The following EPC2 variants were observed in gnomAD, a reference collection of about 807,000 sequenced individuals.
The protein encoded by EPC2 is enhancer of polycomb 2, also known as enhancer of polycomb homolog 2.
A neutral mutation model predicts 92.1 loss-of-function variants in EPC2; 14 were observed. That is an observed-to-expected ratio of 0.15 (90% confidence interval 0.10 to 0.24). The LOEUF is 0.24. Ranked by LOEUF, EPC2 falls within the 10% of genes least tolerant of loss-of-function variation. The pLI is 1.00. For missense variants in EPC2, 755 were observed against 971.5 expected, an observed-to-expected ratio of 0.78 and a Z score of 2.96; for synonymous variants, 340 against 334.7, an observed-to-expected ratio of 1.02 and a Z score of -0.17.
chr2:148,690,340 T>C lies in EPC2; in HGVS notation c.280T>C (p.Phe94Leu). The change falls in exon 2 of 14, where the codon TTT (phenylalanine) becomes CTT (leucine). Residue 94 changes from phenylalanine to leucine, a missense_variant. Coordinates refer to ENST00000258484, the MANE Select transcript of EPC2 (RefSeq NM_015630.4). ...TTACAATCGCTTGTACAAAGGAGAGTTTAAACAGCCAAAACAGTTCATTCA... is the reference window on the plus strand; with the variant it reads ...TTACAATCGCTTGTACAAAGGAGAGCTTAAACAGCCAAAACAGTTCATTCA... The part of the protein sequence containing the change: ...NYYNRLYKGE[F>L]KQPKQFIHIQ... 1 of 1,608,868 alleles carries C rather than the reference T, an allele frequency of 6.2e-7. No homozygotes were observed. Among genetic ancestry groups the C allele is most frequent in the Non-Finnish European group, 8.5e-7 (1 of 1,178,406 alleles).
At chr2:148,781,594 T>TA in intron 10 of EPC2, 50 bp from the exon 11 acceptor site, 1 of 1,558,518 alleles carries the variant, frequency 6.4e-7, no homozygotes, top group Non-Finnish European at 8.7e-7. Flanking sequence ...CTTGTGTTAT[T>TA]AAAAATCTTT....
intron 2 of EPC2, among the ~76,000 whole-genome samples, chr2:148,711,609 C>A (rs959519531): frequency 6.6e-6 from 1 of 152,144 alleles, no homozygotes; most frequent in Non-Finnish European, 1.5e-5. Flanking sequence ...GTTGACTGAT[C>A]ATGCTGTCCA....
At chr2:148,781,821 A>G (rs1327687105) in intron 11 of EPC2, 41 bp downstream of exon 11, 10 of 1,608,880 alleles carry the variant, frequency 6.2e-6, no homozygotes, top group Middle Eastern at 1.7e-4. Context: ...TGTTTCTTTC[A>G]TCATTATGTA....
intron 2 of EPC2, among the ~76,000 whole-genome samples, chr2:148,731,488 C>T (rs760691793): frequency 6.6e-6 from 1 of 152,144 alleles, no homozygotes; most frequent in Non-Finnish European, 1.5e-5. Flanking sequence ...CTACAACCTC[C>T]GCCTCCGGGG....
At chr2:148,690,459 A>AT (rs1681624060) in intron 2 of EPC2, 86 bp downstream of exon 2, 1 of 1,281,100 alleles carries the variant, frequency 7.8e-7, no homozygotes, top group South Asian at 1.7e-5. Context: ...AGAAATTCTG[A>AT]TTTTTTAATT....
Position 148,663,592 on chromosome 2 carries a change from A to ATTTT in EPC2, c.153+18447_153+18450dup, listed in dbSNP as rs56911412. ...TTCCAGTTTTACTATATAGATTAAG[A>ATTTT]TTTTTTTTTTTTTTTTTTTTTTTTT... On this transcript the variant is annotated intron_variant, in intron 1 of 13. Coordinates refer to ENST00000258484, the MANE Select transcript of EPC2 (RefSeq NM_015630.4). Among the ~76,000 whole-genome samples the ATTTT allele has an allele frequency of 3.6e-4, 27 of 74,368 alleles. 1 individual carries two copies. Among genetic ancestry groups the ATTTT allele is most frequent in the African/African-American group, 1.4e-3 (25 of 17,846 alleles). The allele number at this position is 74,368 out of a possible 152,430, so 48.8% of individuals were successfully genotyped here. A position where few individuals can be genotyped will look rare whatever the true frequency, so the allele number is the denominator to read the frequency against.
intron 7 of EPC2, among the ~76,000 whole-genome samples, chr2:148,768,626 G>A (rs979126193): frequency 2.0e-5 from 3 of 152,150 alleles, no homozygotes; most frequent in African/African-American, 7.2e-5. Flanking sequence ...TGAAAAATGA[G>A]TTGGGAGATA....
Position 148,715,916 on chromosome 2 carries a change from T to C in EPC2, c.313+25543T>C, listed in dbSNP as rs544832587. Among the ~76,000 whole-genome samples, 4 of 152,344 alleles carry C rather than the reference T, an allele frequency of 2.6e-5. No individual in the cohort carries two copies. In the South Asian group the frequency reaches 8.3e-4, roughly 32 times the overall value. On this transcript the variant is annotated intron_variant, in intron 2 of 13. Transcript: ENST00000258484. ...GATTTCTTTGAGCAGTGGTTTATAGTTCTCCTTGAAGAGGTCCCTCACTTC... is the reference window on the plus strand; with the variant it reads ...GATTTCTTTGAGCAGTGGTTTATAGCTCTCCTTGAAGAGGTCCCTCACTTC...
intron 2 of EPC2, among the ~76,000 whole-genome samples, chr2:148,709,861 G>C (rs1682095091): frequency 6.6e-6 from 1 of 152,146 alleles, no homozygotes; most frequent in Non-Finnish European, 1.5e-5. Flanking sequence ...ATGGATTAAA[G>C]ACTTAAATGT....
chr2:148,678,359 G>A (rs1243080578), intron 1 of EPC2, among the ~76,000 whole-genome samples: 2 of 152,254 alleles, frequency 1.3e-5, no homozygotes, highest in Non-Finnish European at 2.9e-5. Context: ...CCGCACCAGG[G>A]CTGCAGATGG....
At chr2:148,743,230 T>G (rs1330614009) in intron 2 of EPC2, among the ~76,000 whole-genome samples, 1 of 152,160 alleles carries the variant, frequency 6.6e-6, no homozygotes. Flanking sequence ...ACCTGTTTTA[T>G]CCTCAGTAAT....
intron 1 of EPC2, among the ~76,000 whole-genome samples, chr2:148,653,572 T>A (rs1437237956): frequency 6.6e-6 from 1 of 152,230 alleles, no homozygotes; most frequent in Non-Finnish European, 1.5e-5. Flanking sequence ...GCAGTTTCAT[T>A]GTATCTGTCT....
intron 1 of EPC2, among the ~76,000 whole-genome samples, chr2:148,654,105 C>G (rs144498198): frequency 6.6e-6 from 1 of 152,084 alleles, no homozygotes; most frequent in Non-Finnish European, 1.5e-5. Flanking sequence ...CACGCCACCA[C>G]GCCCAGCTAA....
chr2:148,745,734 C>T (rs1384268624), intron 3 of EPC2, among the ~76,000 whole-genome samples: 1 of 152,098 alleles, frequency 6.6e-6, no homozygotes, highest in Non-Finnish European at 1.5e-5. Flanking sequence ...ATTCCCTGAT[C>T]TGTTAATTTA....
At chr2:148,739,341 T>G (rs1265268441) in intron 2 of EPC2, among the ~76,000 whole-genome samples, 1 of 152,182 alleles carries the variant, frequency 6.6e-6, no homozygotes, top group Non-Finnish European at 1.5e-5. Context: ...ATACCATGCT[T>G]GGTAAGCCCC....
At chr2:148,699,032 A>G (rs1017017833) in intron 2 of EPC2, among the ~76,000 whole-genome samples, 1 of 152,124 alleles carries the variant, frequency 6.6e-6, no homozygotes, top group African/African-American at 2.4e-5. Context: ...GAGGGCCAGT[A>G]ATGAAGGTTT....
At chr2:148,688,727 A>C (rs1681581351) in intron 1 of EPC2, among the ~76,000 whole-genome samples, 1 of 152,202 alleles carries the variant, frequency 6.6e-6, no homozygotes, top group African/African-American at 2.4e-5. Context: ...ATATAGTAGG[A>C]ATCCAGTAAA....
chr2:148,682,538 A>G (rs573927530), intron 1 of EPC2, among the ~76,000 whole-genome samples: 42 of 152,280 alleles, frequency 2.8e-4, no homozygotes, highest in African/African-American at 1.0e-3. Flanking sequence ...AAACTCTCCA[A>G]TACATAATCT....
intron 1 of EPC2, among the ~76,000 whole-genome samples, chr2:148,659,475 T>G (rs1262441520): frequency 6.6e-6 from 1 of 152,200 alleles, no homozygotes; most frequent in Non-Finnish European, 1.5e-5. Context: ...GAATTTATAC[T>G]GATGTGAAAT....
Sources: allele counts gnomAD v4.1 joint callset (sites outside exome capture counted in the v4.1 genomes callset), GRCh38; gene constraint gnomAD v4.1.1; transcripts MANE v1.5; gene names NCBI Gene and HGNC (gene_info 2026-07-23, HGNC 2026-07-21).